Variants in IRS2 observed in about 807,000 individuals in gnomAD.
IRS2 encodes insulin receptor substrate 2.
A neutral mutation model predicts 70.9 loss-of-function variants in IRS2; 28 were observed. The observed-to-expected ratio is 0.39, with a 90% CI of 0.29 to 0.54. IRS2 has a LOEUF of 0.54. Among genes scored for constraint, IRS2 ranks in the 20% least tolerant of loss-of-function variants. The probability of loss-of-function intolerance (pLI) is 0.59; values close to 1 mark genes in which losing one functional copy is unlikely to be tolerated. For synonymous variants in IRS2, 1,217 were observed against 981.9 expected (o/e 1.24, Z -4.48); for missense variants, 2,081 against 2,024.1 (o/e 1.03, Z -0.54).
chr13:109,782,908 G>T lies in IRS2; in HGVS notation c.3146C>A (p.Ala1049Asp). ...GCCCGGGCCCTGGGCGGTGGCAACG[G>T]CCGAGGCGGGGGGCAGGCGGTACAG... ...GELYRLPPAS[A>D]VATAQGPGAA... The change falls in exon 1 of 2, where the codon GCC becomes GAC. Residue 1049 changes from alanine (A) to aspartate (D), a missense_variant. Physicochemically the swap from Ala to Asp is moderately radical, Grantham distance 126. Transcript: ENST00000375856. 6.5e-7 allele frequency: 1 copy of T among 1,547,566 alleles called. No individual in the cohort carries two copies.
At chr13:109,779,265 C>T (rs927552378) in intron 1 of IRS2, among the ~76,000 whole-genome samples, 2 of 152,244 alleles carry the variant, frequency 1.3e-5, no homozygotes, top group African/African-American at 2.4e-5. Flanking sequence ...GCATCACTAA[C>T]GAGGTCTTCC....
Position 109,782,775 on chromosome 13 carries a change from T to G in IRS2, c.3279A>C (p.Pro1093=). The G allele has an allele frequency of 1.2e-6, 2 of 1,603,266 alleles. No homozygotes were observed. Among genetic ancestry groups the G allele is most frequent in the South Asian group, 1.1e-5 (1 of 89,620 alleles). ...PPQPIAAPPK[P]EAARVASPTS... Reference sequence around the variant, plus strand: ...TCGGGCTGGCCACGCGGGCAGCTTCTGGCTTCGGGGGGGCCGCGATAGGTT... The same window carrying G: ...TCGGGCTGGCCACGCGGGCAGCTTCGGGCTTCGGGGGGGCCGCGATAGGTT... Residue 1093 remains proline (P), a synonymous_variant, in exon 1 of 2, where the codon CCA becomes CCC. Transcript: ENST00000375856.
In IRS2 at chr13:109,783,804, C is replaced by T. The variant is rs1249706996; in HGVS notation, c.2250G>A (p.Lys750=). The T allele has an allele frequency of 1.9e-6, 3 of 1,596,032 alleles. No homozygotes were observed. In the African/African-American group the frequency reaches 4.0e-5, roughly 21 times the overall value. The change falls in exon 1 of 2, where the codon AAG becomes AAA. Residue 750 remains lysine, a synonymous_variant. Coordinates refer to ENST00000375856, the MANE Select transcript of IRS2 (RefSeq NM_003749.3). ...SGYMRMWCGS[K]LSMEHADGKL... ...TGCCATCTGCATGCTCCATGGACAG[C>T]TTGGAACCGCACCACATGCGCATGT... is the stretch of plus-strand genomic sequence containing the variant.
At chr13:109,767,728 C>CTTT (rs748211544) in intron 1 of IRS2, among the ~76,000 whole-genome samples, 90 of 119,774 alleles carry the variant, frequency 7.5e-4, no homozygotes, top group South Asian at 1.1e-3. Context: ...ACCATTTTTC[C>CTTT]TTTTTTTTTT....
rs2138936453 is a variant in IRS2 at position 109,784,650 on chromosome 13, A to G, written c.1404T>C (p.Pro468=). The change falls in exon 1 of 2, where the codon CCT becomes CCC. Residue 468 remains proline, a synonymous_variant. Coordinates refer to ENST00000375856, the MANE Select transcript of IRS2 (RefSeq NM_003749.3). The surrounding 1 kb of genome is among the most constrained non-coding windows in gnomAD (Gnocchi z 5.2). ...GGCCGTGGTGCAGCGGATGCGGCAG[A>G]GGCGGGTGCGGGCCGGGCGGCGGCG... ...SYPPPPGPHP[P]LPHPLHHGPG... The G allele has an allele frequency of 7.9e-7, 1 of 1,259,698 alleles. No homozygotes were observed. The highest frequency in any genetic ancestry group is 9.9e-7 in the Non-Finnish European group (1 of 1,005,588). 78.0% of individuals were successfully genotyped at this position (1,259,698 alleles called of 1,614,324 possible).
At position 109,756,076 on chromosome 13, in the gene IRS2, C is replaced by T. The variant is rs73606276; in HGVS notation, c.*228G>A. ...TTTGTTAAAACAAAACAAAACAAAACGCAAACAGCACAATGATGAATGCCC... is the reference window on the plus strand; with the variant it reads ...TTTGTTAAAACAAAACAAAACAAAATGCAAACAGCACAATGATGAATGCCC... On this transcript the variant is annotated 3_prime_UTR_variant, in exon 2 of 2. Coordinates refer to ENST00000375856, the MANE Select transcript of IRS2 (RefSeq NM_003749.3). The T allele has an allele frequency of 1.0e-3, 502 of 491,334 alleles. 3 individuals carry two copies. The highest frequency in any genetic ancestry group is 8.3e-3 in the African/African-American group (434 of 52,058). 30.4% of individuals were successfully genotyped at this position (491,334 alleles called of 1,614,324 possible).
In IRS2 at chr13:109,754,225, A is replaced by G. The variant is rs933938351; in HGVS notation, c.*2079T>C. ...CATAACATTTATACATTTTGGTTCC[A>G]TTCTGTAAACTAAATTAAAAATGTA... is the stretch of plus-strand genomic sequence containing the variant. On this transcript the variant is annotated 3_prime_UTR_variant, in exon 2 of 2. Coordinates refer to ENST00000375856, the MANE Select transcript of IRS2 (RefSeq NM_003749.3). 1 of 231,338 alleles carries G rather than the reference A, an allele frequency of 4.3e-6. No homozygotes were observed. The highest frequency in any genetic ancestry group is 1.8e-4 in the South Asian group (1 of 5,520). The allele number at this position is 231,338 out of a possible 1,614,324, so 14.3% of individuals were successfully genotyped here.
chr13:109,779,177 G>A (rs1025326511), intron 1 of IRS2, among the ~76,000 whole-genome samples: 1 of 152,198 alleles, frequency 6.6e-6, no homozygotes, highest in Non-Finnish European at 1.5e-5. Flanking sequence ...GCCAGACATG[G>A]CTGGAACCTT....
intron 1 of IRS2, among the ~76,000 whole-genome samples, chr13:109,775,973 T>C (rs1967852): frequency 0.33 from 50,277 of 151,616 alleles, 8,459 homozygotes; most frequent in Middle Eastern, 0.48. Context: ...CACGGTGAAA[T>C]CCCATCTCTA....
Position 109,783,223 on chromosome 13 carries a change from G to A in IRS2, c.2831C>T (p.Ser944Leu), listed in dbSNP as rs2138932036. 2 of 1,439,910 alleles carry A rather than the reference G, an allele frequency of 1.4e-6. No individual in the cohort carries two copies. The highest frequency in any genetic ancestry group is 1.8e-6 in the Non-Finnish European group (2 of 1,099,472). The allele number at this position is 1,439,910 out of a possible 1,614,324, so 89.2% of individuals were successfully genotyped here. A position where few individuals can be genotyped will look rare whatever the true frequency, so the allele number is the denominator to read the frequency against. Residue 944 changes from serine to leucine, a missense_variant, in exon 1 of 2, where the codon TCG becomes TTG. Physicochemically the swap from Ser to Leu is moderately radical, Grantham distance 145. Transcript: ENST00000375856. Reference sequence around the variant, plus strand: ...GCTGGCGGACAAGAGCGAGGAGGACGAGGCCGCCGACGCCAGCAGGGGAGG... The same window carrying A: ...GCTGGCGGACAAGAGCGAGGAGGACAAGGCCGCCGACGCCAGCAGGGGAGG... The part of the protein sequence containing the change: ...PAPPLLASAA[S>L]SSSLLSASSP...
rs1566414370 is a variant in IRS2 at position 109,785,003 on chromosome 13, G to A, written c.1051C>T (p.Pro351Ser). Residue 351 changes from proline to serine, a missense_variant, in exon 1 of 2, where the codon CCG (proline) becomes TCG (serine). This residue lies in a region of IRS2 where 111 missense variants were observed against 133.1 expected (regional missense o/e 0.83). Coordinates refer to ENST00000375856, the MANE Select transcript of IRS2 (RefSeq NM_003749.3). This position sits in a 1 kb window ranked among gnomAD's most constrained non-coding sequence, Gnocchi z 9.3. Reference protein sequence around the residue: ...RSRTDSLAATPPAAKCSSCRV... With the variant: ...RSRTDSLAATSPAAKCSSCRV... Reference sequence around the variant, plus strand: ...CACGAGCTGCACTTGGCCGCCGGCGGGGTGGCGGCCAGGCTGTCGGTGCGC... The same window carrying A: ...CACGAGCTGCACTTGGCCGCCGGCGAGGTGGCGGCCAGGCTGTCGGTGCGC... 1 of 1,413,012 alleles carries A rather than the reference G, an allele frequency of 7.1e-7. No homozygotes were observed. Among genetic ancestry groups the A allele is most frequent in the Non-Finnish European group, 9.2e-7 (1 of 1,089,534 alleles). 87.5% of individuals were successfully genotyped at this position (1,413,012 alleles called of 1,614,324 possible).
At chr13:109,773,733 AT>A (rs760545605) in intron 1 of IRS2, among the ~76,000 whole-genome samples, 74 of 152,314 alleles carry the variant, frequency 4.9e-4, no homozygotes, top group Non-Finnish European at 2.9e-4. Flanking sequence ...TGCATTCTCT[AT>A]TTCTGGCTTT....
At chr13:109,770,789 T>A (rs961493799) in intron 1 of IRS2, among the ~76,000 whole-genome samples, 2 of 152,230 alleles carry the variant, frequency 1.3e-5, no homozygotes, top group African/African-American at 2.4e-5. Flanking sequence ...CATCTACTCT[T>A]GTGCTGACAC....
At position 109,786,017 on chromosome 13, in the gene IRS2, C is replaced by G; in HGVS notation, c.37G>C (p.Ala13Pro). 1.4e-6 allele frequency: 2 copies of G among 1,385,812 alleles called. No individual in the cohort carries two copies. Among genetic ancestry groups the G allele is most frequent in the Non-Finnish European group, 1.9e-6 (2 of 1,069,232 alleles). The allele number at this position is 1,385,812 out of a possible 1,614,324, so 85.8% of individuals were successfully genotyped here. Residue 13 changes from alanine (A) to proline (P), a missense_variant, in exon 1 of 2, where the codon GCG (alanine) becomes CCG (proline). By Grantham distance (27) the Ala-to-Pro change is conservative. Around this residue, in one of 4 missense-constraint regions of IRS2, gnomAD observed 320 missense variants for 352.9 expected, o/e 0.91. Transcript: ENST00000375856. The surrounding 1 kb of genome is among the most constrained non-coding windows in gnomAD (Gnocchi z 4.4). ...SPPRHGPPGP[A>P]SGDGPNLNNN... ...TTGAGGTTGGGGCCGTCTCCGCTCG[C>G]CGGCCCGGGCGGCCCGTGCCGCGGC...
At chr13:109,769,526 C>T (rs1436320626) in intron 1 of IRS2, among the ~76,000 whole-genome samples, 4 of 152,202 alleles carry the variant, frequency 2.6e-5, no homozygotes, top group Non-Finnish European at 2.9e-5. Context: ...TGGATTCCTC[C>T]CTTAACATCT....
At position 109,782,070 on chromosome 13, in the gene IRS2, G is replaced by A. The variant is rs775970415; in HGVS notation, c.3984C>T (p.His1328=). ...NTYASIDFLS[H]HLKEATIVKE is the part of the protein sequence containing the mutation. The stretch of plus-strand genomic sequence containing the variant: ...TCACGATGGTGGCCTCCTTCAAGTG[G>A]TGGGACAAGAAGTCAATGCTGGCGT... Residue 1328 remains histidine (H), a synonymous_variant, in exon 1 of 2, where the codon CAC becomes CAT. Transcript: ENST00000375856. The A allele has an allele frequency of 1.9e-6, 3 of 1,612,578 alleles. No individual in the cohort carries two copies. Among genetic ancestry groups the A allele is most frequent in the East Asian group, 2.2e-5 (1 of 44,854 alleles).
At chr13:109,772,210 C>A (rs919174259) in intron 1 of IRS2, among the ~76,000 whole-genome samples, 2 of 152,184 alleles carry the variant, frequency 1.3e-5, no homozygotes, top group Non-Finnish European at 2.9e-5. Flanking sequence ...TGGTCCCTGA[C>A]TTCAGTCCCT....
In IRS2 at chr13:109,782,184, G is replaced by A. The variant is rs749244277; in HGVS notation, c.3870C>T (p.Leu1290=). The change falls in exon 1 of 2, where the codon CTC becomes CTT. Residue 1290 remains leucine, a synonymous_variant. Transcript: ENST00000375856. ...DKSSWGRTRS[L]GGLISAVGVG... ...CGCCCACAGCGCTGATGAGACCCCC[G>A]AGGCTTCGGGTCCGGCCCCAGGAGC... 4.5e-6 allele frequency: 7 copies of A among 1,560,660 alleles called. No homozygotes were observed. The highest frequency in any genetic ancestry group is 1.1e-5 in the South Asian group (1 of 89,818).
intron 1 of IRS2, among the ~76,000 whole-genome samples, chr13:109,777,025 T>C (rs1280577865): frequency 2.0e-5 from 3 of 152,196 alleles, no homozygotes; most frequent in Non-Finnish European, 4.4e-5. Flanking sequence ...GTTTTGTTCA[T>C]CTTGTATAGA....
Sources: allele counts gnomAD v4.1 joint callset (sites outside exome capture counted in the v4.1 genomes callset), GRCh38; gene constraint gnomAD v4.1.1; regional missense constraint gnomAD v4.1.1; non-coding constraint Gnocchi (gnomAD v3.1); transcripts MANE v1.5; gene names NCBI Gene and HGNC (gene_info 2026-07-23, HGNC 2026-07-21).